Variants in SNTG2 observed in about 807,000 individuals in gnomAD.
The protein encoded by SNTG2 is gamma-2-syntrophin.
In SNTG2, 74 loss-of-function variants were observed where a neutral mutation model predicts 70.9. The observed-to-expected ratio is 1.04, with a 90% CI of 0.86 to 1.27. The LOEUF is 1.27. Ranked by LOEUF, SNTG2 falls within the 50% of genes most tolerant of loss-of-function variation. SNTG2 has a pLI of 0.00. For synonymous variants in SNTG2, 278 were observed against 273.8 expected (o/e 1.02, Z -0.15); for missense variants, 717 against 690.7 (o/e 1.04, Z -0.43).
intron 4 of SNTG2, among the ~76,000 whole-genome samples, chr2:1,133,723 T>G (rs1321106106): frequency 1.3e-5 from 2 of 152,166 alleles, no homozygotes; most frequent in African/African-American, 2.4e-5. Context: ...AGGCTAAAAG[T>G]GTCCGTCAGC....
At chr2:1,039,985 G>C (rs893212657) in intron 1 of SNTG2, among the ~76,000 whole-genome samples, 1 of 152,146 alleles carries the variant, frequency 6.6e-6, no homozygotes, top group Admixed American at 6.5e-5. Flanking sequence ...CTGTCAGAGG[G>C]CTTCAGTTGA....
intron 9 of SNTG2, among the ~76,000 whole-genome samples, chr2:1,236,398 G>T (rs1676661717): frequency 2.0e-5 from 3 of 152,224 alleles, no homozygotes; most frequent in Non-Finnish European, 4.4e-5. Context: ...ACCAGGAAAG[G>T]TGATCAGAAA....
Position 1,221,494 on chromosome 2 carries a change from T to TG in SNTG2, c.719+12264_719+12265insG, listed in dbSNP as rs1452587024. 1.7e-3 allele frequency among the ~76,000 whole-genome samples: 22 copies of TG among 12,808 alleles called. 2 individuals are homozygous for TG. Among genetic ancestry groups the TG allele is most frequent in the Non-Finnish European group, 3.7e-3 (18 of 4,830 alleles). The allele number at this position is 12,808 out of a possible 152,430, so 8.4% of individuals were successfully genotyped here. A position where few individuals can be genotyped will look rare whatever the true frequency, so the allele number is the denominator to read the frequency against. Reference sequence around the variant, plus strand: ...CTCTGTCTCTCTCTCTCTCTGTCTCTCTCTGTCTCTCTCTCTCTCTCTGTC... The same window carrying TG: ...CTCTGTCTCTCTCTCTCTCTGTCTCTGCTCTGTCTCTCTCTCTCTCTCTGTC... On this transcript the variant is annotated intron_variant, in intron 9 of 16. Transcript: ENST00000308624.
At chr2:993,630 C>T (rs1661577690) in intron 1 of SNTG2, among the ~76,000 whole-genome samples, 1 of 152,018 alleles carries the variant, frequency 6.6e-6, no homozygotes, top group South Asian at 2.1e-4. Flanking sequence ...GAAAATTGTA[C>T]CACTTGACAT....
chr2:1,276,295 G>A (rs1480527666), intron 14 of SNTG2, among the ~76,000 whole-genome samples: 2 of 152,080 alleles, frequency 1.3e-5, no homozygotes, highest in South Asian at 2.1e-4. Context: ...CTGGACAAAC[G>A]TCATTGCCTG....
intron 1 of SNTG2, among the ~76,000 whole-genome samples, chr2:962,130 T>C (rs1572167302): frequency 6.6e-6 from 1 of 152,182 alleles, no homozygotes; most frequent in East Asian, 1.9e-4. Context: ...AGTGGCATGA[T>C]CATAGCTTAC....
intron 8 of SNTG2, among the ~76,000 whole-genome samples, chr2:1,175,062 AC>A (rs1448047529): frequency 6.6e-6 from 1 of 152,182 alleles, no homozygotes; most frequent in Admixed American, 6.5e-5. Context: ...GTTCATAAAG[AC>A]ACTTCCTTAT....
chr2:983,371 C>A (rs1024413775), intron 1 of SNTG2, among the ~76,000 whole-genome samples: 2 of 150,122 alleles, frequency 1.3e-5, no homozygotes, highest in Non-Finnish European at 3.0e-5. Context: ...AGGTGGAGGT[C>A]GGGATGAAGC....
intron 8 of SNTG2, among the ~76,000 whole-genome samples, chr2:1,175,698 C>G (rs1309594133): frequency 6.6e-6 from 1 of 152,208 alleles, no homozygotes; most frequent in Non-Finnish European, 1.5e-5. Flanking sequence ...CCCAAGCCAG[C>G]ACAGTTCAGC....
intron 14 of SNTG2, among the ~76,000 whole-genome samples, chr2:1,274,733 G>A (rs930758699): frequency 6.6e-6 from 1 of 152,192 alleles, no homozygotes; most frequent in Non-Finnish European, 1.5e-5. Flanking sequence ...CATGACCATT[G>A]CACATTCACA....
chr2:1,184,387 G>A (rs563550945), intron 8 of SNTG2, among the ~76,000 whole-genome samples: 4 of 152,120 alleles, frequency 2.6e-5, no homozygotes, highest in South Asian at 4.2e-4. Context: ...CAACTAAAAC[G>A]TATAGATTTT....
chr2:1,293,902 G>T (rs1052717246), intron 14 of SNTG2, among the ~76,000 whole-genome samples: 1 of 152,112 alleles, frequency 6.6e-6, no homozygotes, highest in African/African-American at 2.4e-5. Context: ...AGTGCCATTT[G>T]GTTGATCCGA....
intron 14 of SNTG2, among the ~76,000 whole-genome samples, chr2:1,280,783 T>C (rs1176532115): frequency 6.6e-6 from 1 of 152,266 alleles, no homozygotes; most frequent in Non-Finnish European, 1.5e-5. Context: ...TCTGAAAGTA[T>C]CTAACTGATG....
intron 6 of SNTG2, among the ~76,000 whole-genome samples, chr2:1,146,472 C>T (rs1383824105): frequency 6.6e-6 from 1 of 152,178 alleles, no homozygotes; most frequent in Non-Finnish European, 1.5e-5. Context: ...TTTCAGTTCT[C>T]TCCAACTTGA....
chr2:1,092,754 A>G (rs1012663020), intron 2 of SNTG2, among the ~76,000 whole-genome samples: 9 of 152,198 alleles, frequency 5.9e-5, no homozygotes, highest in Non-Finnish European at 1.3e-4. Flanking sequence ...TATAATTGAT[A>G]AGTTATCTAT....
chr2:972,050 A>G (rs1047300688), intron 1 of SNTG2, among the ~76,000 whole-genome samples: 2 of 152,084 alleles, frequency 1.3e-5, no homozygotes, highest in African/African-American at 2.4e-5. Flanking sequence ...GAATTGTTTT[A>G]TGGTCTATTG....
Position 1,106,063 on chromosome 2 carries a change from G to A in SNTG2, c.325+7653G>A, listed in dbSNP as rs1452686604. Among the ~76,000 whole-genome samples the A allele has an allele frequency of 4.9e-3, 687 of 141,450 alleles. 9 individuals are homozygous for A. The highest frequency in any genetic ancestry group is 0.018 in the African/African-American group (639 of 36,328). 92.8% of individuals were successfully genotyped at this position (141,450 alleles called of 152,430 possible). The stretch of plus-strand genomic sequence containing the variant: ...GGTGCAGGGTATGGAGAGCTCCTTG[G>A]TAATAGTGGACACCTGCTGTCACTC... On this transcript the variant is annotated intron_variant, in intron 4 of 16. Transcript: ENST00000308624.
At chr2:1,125,206 A>C (rs552229387) in intron 4 of SNTG2, among the ~76,000 whole-genome samples, 1 of 152,316 alleles carries the variant, frequency 6.6e-6, no homozygotes, top group African/African-American at 2.4e-5. Context: ...CTAAATATTC[A>C]GTTACTATAA....
intron 14 of SNTG2, among the ~76,000 whole-genome samples, chr2:1,269,818 G>A (rs191512188): frequency 7.9e-5 from 12 of 152,310 alleles, no homozygotes; most frequent in African/African-American, 1.9e-4. Context: ...AAGACCTTTC[G>A]TGGGGAATGG....
Sources: allele counts gnomAD v4.1 joint callset (sites outside exome capture counted in the v4.1 genomes callset), GRCh38; gene constraint gnomAD v4.1.1; transcripts MANE v1.5; gene names NCBI Gene and HGNC (gene_info 2026-07-23, HGNC 2026-07-21).